HRH1: variants seen among roughly 807,000 people sequenced by gnomAD.
HRH1 encodes the protein histamine H1 receptor.
HRH1 carries 6 observed loss-of-function variants against 10.3 expected under a neutral mutation model. The ratio of observed to expected loss-of-function variants is 0.58; its 90% confidence interval spans 0.32 to 1.15. The LOEUF is 1.15. Among genes scored for constraint, HRH1 ranks in the 50% most tolerant of loss-of-function variants. The probability of loss-of-function intolerance (pLI) is 0.05; values close to 1 mark genes in which losing one functional copy is unlikely to be tolerated. For synonymous variants in HRH1, 242 were observed against 236.7 expected (o/e 1.02, Z -0.21); for missense variants, 514 against 615.3 (o/e 0.84, Z 1.74).
chr3:11,160,784 T>C (rs1318736153), intron 1 of HRH1, among the ~76,000 whole-genome samples: 2 of 152,212 alleles, frequency 1.3e-5, no homozygotes, highest in South Asian at 4.1e-4. Flanking sequence ...TTCTGAACTG[T>C]CTGTTCTGAT....
At chr3:11,212,131 A>G (rs963470) in intron 1 of HRH1, among the ~76,000 whole-genome samples, 41,577 of 152,056 alleles carry the variant, frequency 0.27, 5,817 homozygotes, top group South Asian at 0.38. Flanking sequence ...ACCTCCCCAG[A>G]TATGATATCC....
intron 1 of HRH1, among the ~76,000 whole-genome samples, chr3:11,250,034 CTTTTTTTT>C (rs71055856): frequency 1.3e-4 from 8 of 60,760 alleles, no homozygotes; most frequent in Admixed American, 2.4e-4. Context: ...AAGCTTTTCT[CTTTTTTTT>C]TTTTTTTTTT....
intron 1 of HRH1, among the ~76,000 whole-genome samples, chr3:11,167,595 A>G (rs1187239383): frequency 6.6e-6 from 1 of 152,270 alleles, no homozygotes; most frequent in East Asian, 1.9e-4. Context: ...TGGTTTGTGC[A>G]GCCTCATGGT....
chr3:11,243,338 A>G (rs1939399366), intron 1 of HRH1, among the ~76,000 whole-genome samples: 1 of 152,232 alleles, frequency 6.6e-6, no homozygotes, highest in Non-Finnish European at 1.5e-5. Flanking sequence ...CTGTCAGCGA[A>G]TGGGATGTCC....
chr3:11,227,140 CTGCA>C (rs1938909251), intron 1 of HRH1, among the ~76,000 whole-genome samples: 1 of 152,174 alleles, frequency 6.6e-6, no homozygotes, highest in Admixed American at 6.5e-5. Context: ...TTGTCAAAGT[CTGCA>C]GCAGAACAGA....
intron 1 of HRH1, among the ~76,000 whole-genome samples, chr3:11,210,797 GAA>G (rs59390388): frequency 3.0e-5 from 4 of 135,354 alleles, no homozygotes; most frequent in South Asian, 2.4e-4. Flanking sequence ...TGTCTCAAAA[GAA>G]AAAAAAAAAA....
intron 1 of HRH1, among the ~76,000 whole-genome samples, chr3:11,210,565 G>A (rs1037772751): frequency 1.3e-5 from 2 of 152,178 alleles, no homozygotes; most frequent in Admixed American, 1.3e-4. Flanking sequence ...CCCAAGGCAG[G>A]CGGATCATTT....
chr3:11,169,427 G>T (rs1937111414), intron 1 of HRH1, among the ~76,000 whole-genome samples: 1 of 152,126 alleles, frequency 6.6e-6, no homozygotes, highest in Non-Finnish European at 1.5e-5. Flanking sequence ...GAGGTCTGGA[G>T]GAGTGAGGAA....
At chr3:11,167,159 C>T (rs550932981) in intron 1 of HRH1, among the ~76,000 whole-genome samples, 35 of 139,960 alleles carry the variant, frequency 2.5e-4, no homozygotes, top group Admixed American at 9.9e-4. Context: ...TCTCCAGGCC[C>T]GTGACATCTG....
At chr3:11,250,208 ATTTTTTTTTT>A (rs71055857) in intron 1 of HRH1, among the ~76,000 whole-genome samples, 3 of 106,890 alleles carry the variant, frequency 2.8e-5, no homozygotes, top group East Asian at 5.3e-4. Flanking sequence ...CACCCGGCTA[ATTTTTTTTTT>A]TTTTTTTTTT....
chr3:11,231,305 GT>G (rs909498051), intron 1 of HRH1, among the ~76,000 whole-genome samples: 5 of 151,306 alleles, frequency 3.3e-5, no homozygotes, highest in Non-Finnish European at 5.9e-5. Context: ...TTCATGTTCA[GT>G]TTTTTTTTCT....
At chr3:11,141,387 A>G (rs1278815844) in intron 1 of HRH1, among the ~76,000 whole-genome samples, 5 of 152,198 alleles carry the variant, frequency 3.3e-5, no homozygotes, top group African/African-American at 1.2e-4. Context: ...TAAAACAACA[A>G]TAATAATTTA....
At chr3:11,190,734 C>T (rs778018164) in intron 1 of HRH1, among the ~76,000 whole-genome samples, 1 of 152,108 alleles carries the variant, frequency 6.6e-6, no homozygotes, top group Non-Finnish European at 1.5e-5. Context: ...GCCTATGGTC[C>T]CAGCTACTCG....
At chr3:11,208,790 A>C (rs1216135021) in intron 1 of HRH1, among the ~76,000 whole-genome samples, 1 of 152,258 alleles carries the variant, frequency 6.6e-6, no homozygotes, top group East Asian at 1.9e-4. Flanking sequence ...TCCCGTAATG[A>C]CTGCTGTTTA....
intron 1 of HRH1, among the ~76,000 whole-genome samples, chr3:11,242,093 C>T (rs748485740): frequency 9.2e-5 from 14 of 152,152 alleles, no homozygotes; most frequent in African/African-American, 2.7e-4. Flanking sequence ...AGAGGCAATC[C>T]GCTTGGGTCA....
At chr3:11,219,708 T>G (rs1406444184) in intron 1 of HRH1, among the ~76,000 whole-genome samples, 1 of 112,268 alleles carries the variant, frequency 8.9e-6, no homozygotes, top group Non-Finnish European at 1.7e-5. Flanking sequence ...AGTTGAGACT[T>G]CATCTCAAAA....
At chr3:11,232,116 T>C (rs1939058879) in intron 1 of HRH1, among the ~76,000 whole-genome samples, 2 of 151,990 alleles carry the variant, frequency 1.3e-5, no homozygotes. Flanking sequence ...GCCTTCCAAG[T>C]AGCTGGGAAT....
intron 1 of HRH1, among the ~76,000 whole-genome samples, chr3:11,242,161 C>A (rs1050162657): frequency 1.3e-5 from 2 of 152,078 alleles, no homozygotes. Context: ...TTGCTGCTCA[C>A]TCTTTGGGTC....
intron 1 of HRH1, among the ~76,000 whole-genome samples, chr3:11,181,847 G>A (rs1226413318): frequency 1.3e-5 from 2 of 152,008 alleles, no homozygotes; most frequent in Non-Finnish European, 2.9e-5. Flanking sequence ...TAGCCAGGAT[G>A]GTCTCGATCT....
Sources: gnomAD v4.1 joint callset for allele counts (sites outside exome capture counted in the v4.1 genomes callset) on GRCh38, gnomAD v4.1.1 for gene constraint, MANE v1.5 for transcripts, NCBI Gene and HGNC (gene_info 2026-07-23, HGNC 2026-07-21) for gene names.